CALD1: variants seen among roughly 807,000 people sequenced by gnomAD.
CALD1 encodes the protein caldesmon.
Under a neutral mutation model 99.9 loss-of-function variants are expected in CALD1, and 33 were observed. The ratio of observed to expected loss-of-function variants is 0.33; its 90% CI spans 0.25 to 0.44. The LOEUF (loss-of-function observed/expected upper bound fraction) is 0.44, where lower values mean the gene tolerates loss of function less well. Ranked by LOEUF, CALD1 falls within the 20% of genes least tolerant of loss-of-function variation. CALD1 has a pLI of 1.00. For missense variants in CALD1, 861 were observed against 962.1 expected (o/e 0.89, Z 1.39); for synonymous variants, 310 against 325.0 (o/e 0.95, Z 0.50).
At chr7:134,955,000 A>G (rs1563130257) in intron 9 of CALD1, among the ~76,000 whole-genome samples, 1 of 151,996 alleles carries the variant, frequency 6.6e-6, no homozygotes, top group African/African-American at 2.4e-5. Context: ...TACACACAGC[A>G]TTTTTTTCTT....
chr7:134,947,950 C>A, intron 8 of CALD1, 181 bp downstream of exon 8: 1 of 679,892 alleles, frequency 1.5e-6, no homozygotes, highest in Non-Finnish European at 2.4e-6. Flanking sequence ...TAAGAACTCG[C>A]TGACCTAGGT....
At chr7:134,894,245 C>T (rs1474447111) in intron 3 of CALD1, among the ~76,000 whole-genome samples, 3 of 152,110 alleles carry the variant, frequency 2.0e-5, no homozygotes, top group Non-Finnish European at 1.5e-5. Flanking sequence ...TTGACTTTTC[C>T]GTTTGTCTAA....
chr7:134,770,293 T>C (rs1796866624), intron 1 of CALD1, among the ~76,000 whole-genome samples: 1 of 152,170 alleles, frequency 6.6e-6, no homozygotes, highest in Admixed American at 6.5e-5. Context: ...GCAGCCACTA[T>C]CTGGGGAGGA....
Position 134,959,984 on chromosome 7 carries a change from G to C in CALD1, c.2072G>C (p.Ser691Thr), listed in dbSNP as rs192503178. Residue 691 changes from serine (S) to threonine (T), a missense_variant, in exon 12 of 15, where the codon AGC becomes ACC. By Grantham distance (58) the Ser-to-Thr change is moderately conservative (BLOSUM62 1). Transcript: ENST00000361675. Reference sequence around the variant, plus strand: ...ACTCACAAATTTCAGGGAACAAAAAGCGCAAAACCTACAAAGCCGGCAGCC... The same window carrying C: ...ACTCACAAATTTCAGGGAACAAAAACCGCAAAACCTACAAAGCCGGCAGCC... ...QYTSAIEGTK[S>T]AKPTKPAASD... 1 of 1,613,606 alleles carries C rather than the reference G, an allele frequency of 6.2e-7. No homozygotes were observed. The highest frequency in any genetic ancestry group is 2.2e-5 in the East Asian group (1 of 44,862).
At chr7:134,928,367 G>C (rs1586333562) in intron 3 of CALD1, among the ~76,000 whole-genome samples, 1 of 148,102 alleles carries the variant, frequency 6.8e-6, no homozygotes, top group Admixed American at 6.8e-5. Flanking sequence ...AGGTGGAGGT[G>C]GCAGTGAGCC....
At chr7:134,724,311 G>T in the CALD1 span, among the ~76,000 whole-genome samples, 35 of 152,308 alleles carry the variant, frequency 2.3e-4, no homozygotes, top group East Asian at 2.3e-3. Context: ...TGGATATGAA[G>T]ATTAACCAGC....
intron 3 of CALD1, among the ~76,000 whole-genome samples, chr7:134,886,060 C>T (rs1045840564): frequency 6.6e-6 from 1 of 152,142 alleles, no homozygotes; most frequent in African/African-American, 2.4e-5. Context: ...GTTTAAAAAA[C>T]CCTGGATTTT....
At chr7:134,937,703 G>A (rs564662601) in intron 6 of CALD1, among the ~76,000 whole-genome samples, 1 of 150,460 alleles carries the variant, frequency 6.6e-6, no homozygotes, top group South Asian at 2.1e-4. Flanking sequence ...GATTTATGCA[G>A]CATAGGATAG....
intron 1 of CALD1, among the ~76,000 whole-genome samples, chr7:134,767,934 T>C (rs918121599): frequency 1.3e-5 from 2 of 152,248 alleles, no homozygotes; most frequent in Admixed American, 1.3e-4. Flanking sequence ...AATGAATAGC[T>C]GAGAAAACTC....
intron 3 of CALD1, chr7:134,891,518 A>C: frequency 6.7e-7 from 1 of 1,501,318 alleles, no homozygotes; most frequent in Non-Finnish European, 8.9e-7. Flanking sequence ...CATTTCAGCC[A>C]CAGATCACAT....
intron 3 of CALD1, among the ~76,000 whole-genome samples, chr7:134,918,506 A>G (rs1391375903): frequency 6.6e-6 from 1 of 152,246 alleles, no homozygotes; most frequent in Non-Finnish European, 1.5e-5. Flanking sequence ...TTAGGGATGC[A>G]TACCATGCTG....
intron 3 of CALD1, among the ~76,000 whole-genome samples, chr7:134,890,858 C>G (rs1443853794): frequency 6.6e-6 from 1 of 152,236 alleles, no homozygotes; most frequent in African/African-American, 2.4e-5. Flanking sequence ...GCTGAACCAT[C>G]CAGCCCATCA....
chr7:134,801,383 T>C (rs1797935268), intron 1 of CALD1, among the ~76,000 whole-genome samples: 1 of 152,228 alleles, frequency 6.6e-6, no homozygotes, highest in African/African-American at 2.4e-5. Flanking sequence ...TGTTGATTTC[T>C]TTGCTCACCC....
At chr7:134,955,919 TGGACGGAC>T (rs547429335) in intron 9 of CALD1, among the ~76,000 whole-genome samples, 1 of 152,148 alleles carries the variant, frequency 6.6e-6, no homozygotes, top group African/African-American at 2.4e-5. Flanking sequence ...GATGGATGGA[TGGACGGAC>T]GGACGGATGG....
intron 7 of CALD1, among the ~76,000 whole-genome samples, chr7:134,945,974 C>T (rs151226845): frequency 1.1e-3 from 172 of 152,286 alleles, no homozygotes; most frequent in African/African-American, 3.9e-3. Flanking sequence ...CCCTTAGTTA[C>T]AGCCACTTTT....
chr7:134,947,821 G>A (rs376858083), intron 8 of CALD1, 52 bp downstream of exon 8: 2 of 1,574,064 alleles, frequency 1.3e-6, no homozygotes, highest in Non-Finnish European at 1.7e-6. Flanking sequence ...ATTCCCTAGT[G>A]CCGTGCGGCT....
chr7:134,827,417 T>A (rs1799041727), intron 1 of CALD1, among the ~76,000 whole-genome samples: 1 of 152,182 alleles, frequency 6.6e-6, no homozygotes, highest in African/African-American at 2.4e-5. Flanking sequence ...CTGAGCTTTT[T>A]CTCCATACCA....
the CALD1 span, among the ~76,000 whole-genome samples, chr7:134,711,686 GT>G: frequency 2.5e-5 from 1 of 39,550 alleles, no homozygotes; most frequent in South Asian, 1.4e-3. Flanking sequence ...ATATATGTGT[GT>G]GTGTGTGTGT....
rs745742477 is a variant in CALD1, at chr7:134,960,101, C to T, written c.2189C>T (p.Thr730Ile). The T allele has an allele frequency of 6.2e-7, 1 of 1,614,132 alleles. No individual in the cohort carries two copies. Among genetic ancestry groups the T allele is most frequent in the Non-Finnish European group, 8.5e-7 (1 of 1,179,996 alleles). Residue 730 changes from threonine to isoleucine, a missense_variant, in exon 12 of 15, where the codon ACA becomes ATA. Thr to Ile is a moderately conservative substitution (Grantham distance 89). Around this residue, in one of 5 missense-constraint regions of CALD1, gnomAD observed 190 missense variants for 249.0 expected, o/e 0.76. Transcript: ENST00000361675. ...TTTTCATCCCCCACTGCAGCAGGCA[C>T]ACCAAATAAGGTGAGCATCTGATTT... ...NVFSSPTAAG[T>I]PNKETAGLKV...
Sources: allele counts gnomAD v4.1 joint callset (sites outside exome capture counted in the v4.1 genomes callset), GRCh38; gene constraint gnomAD v4.1.1; regional missense constraint gnomAD v4.1.1; transcripts MANE v1.5; gene names NCBI Gene and HGNC (gene_info 2026-07-23, HGNC 2026-07-21).